Variants in ESCO1 observed in about 807,000 individuals in gnomAD.
ESCO1 encodes establishment of sister chromatid cohesion N-acetyltransferase 1.
In ESCO1, 33 loss-of-function variants were observed where a neutral mutation model predicts 83.5. The observed-to-expected ratio is 0.40, with a 90% CI of 0.30 to 0.53. ESCO1 has a LOEUF of 0.53. Ranked by LOEUF, ESCO1 falls within the 20% of genes least tolerant of loss-of-function variation. ESCO1 has a pLI of 0.63. For synonymous variants in ESCO1, 332 were observed against 324.3 expected (o/e 1.02, Z -0.25); for missense variants, 855 against 968.0 (o/e 0.88, Z 1.55).
chr18:21,583,097 G>A (rs2038525399), intron 2 of ESCO1, among the ~76,000 whole-genome samples: 1 of 152,100 alleles, frequency 6.6e-6, no homozygotes, highest in Non-Finnish European at 1.5e-5. Context: ...CAGGAGAACT[G>A]CTAGAACCCA....
chr18:21,569,370 G>C lies in ESCO1; in HGVS notation c.1531-1276C>G, dbSNP rs546892418. 2.0e-5 allele frequency among the ~76,000 whole-genome samples: 3 copies of C among 152,214 alleles called. No individual in the cohort carries two copies. In the South Asian group the frequency reaches 6.2e-4, roughly 32 times the overall value. On this transcript the variant is annotated intron_variant, in intron 4 of 11. Coordinates refer to ENST00000269214, the MANE Select transcript of ESCO1 (RefSeq NM_052911.3). ...CCCAGAACTTTTGGGAGGCTGAGGC[G>C]GGTGGATCATGAGGTCAAGGGATCA...
chr18:21,593,613 G>GAGAGGGAGAGGGAGAGGGAGAGGA lies in ESCO1; in HGVS notation c.-825+7009_-825+7010insTCCTCTCCCTCTCCCTCTCCCTCT, dbSNP rs1555673445. 6 of 151,154 alleles carry GAGAGGGAGAGGGAGAGGGAGAGGA rather than the reference G, an allele frequency of 4.0e-5. 1 individual carries two copies. Among genetic ancestry groups the GAGAGGGAGAGGGAGAGGGAGAGGA allele is most frequent in the African/African-American group, 1.5e-4 (6 of 41,146 alleles). 9.4% of individuals were successfully genotyped at this position (151,154 alleles called of 1,614,324 possible). A position where few individuals can be genotyped will look rare whatever the true frequency, so the allele number is the denominator to read the frequency against. On this transcript the variant is annotated intron_variant, in intron 1 of 11. Transcript: ENST00000269214. Reference sequence around the variant, plus strand: ...GGGAGACCGTAGGGAGAGGGAGAGGGAGAGGGAGAGGGAGAGGGCCACCAC... The same window carrying GAGAGGGAGAGGGAGAGGGAGAGGA: ...GGGAGACCGTAGGGAGAGGGAGAGGGAGAGGGAGAGGGAGAGGGAGAGGAAGAGGGAGAGGGAGAGGGCCACCAC...
chr18:21,560,244 T>C (rs1261872370), intron 8 of ESCO1, among the ~76,000 whole-genome samples: 1 of 151,792 alleles, frequency 6.6e-6, no homozygotes, highest in East Asian at 1.9e-4. Flanking sequence ...TTTCCACAAA[T>C]ATTAAATAAT....
chr18:21,578,136 A>G (rs2658451), intron 2 of ESCO1, among the ~76,000 whole-genome samples: 149,827 of 152,244 alleles, frequency 0.98, 73,767 homozygotes, highest in East Asian at 1. Flanking sequence ...TTTTAACCAT[A>G]AGCAGTTAAA....
intron 8 of ESCO1, among the ~76,000 whole-genome samples, chr18:21,557,100 T>C (rs1346829297): frequency 1.3e-5 from 2 of 152,132 alleles, no homozygotes; most frequent in African/African-American, 4.8e-5. Flanking sequence ...TACTACTGTC[T>C]ATATATGCCA....
chr18:21,544,292 G>T (rs1293330366), intron 8 of ESCO1, among the ~76,000 whole-genome samples: 1 of 151,204 alleles, frequency 6.6e-6, no homozygotes, highest in East Asian at 2.0e-4. Flanking sequence ...CAAAAAAGGA[G>T]TAATCTTCAT....
chr18:21,537,301 C>A (rs1188885585), intron 9 of ESCO1, among the ~76,000 whole-genome samples: 1 of 152,184 alleles, frequency 6.6e-6, no homozygotes, highest in South Asian at 2.1e-4. Context: ...TGCCTATAAT[C>A]CCAGCACTTT....
At chr18:21,570,748 T>C (rs1476519514) in intron 4 of ESCO1, among the ~76,000 whole-genome samples, 1 of 151,730 alleles carries the variant, frequency 6.6e-6, no homozygotes, top group Non-Finnish European at 1.5e-5. Context: ...GGAGGCCGAG[T>C]TGGGAGGATC....
chr18:21,560,958 A>G lies in ESCO1; in HGVS notation c.1854T>C (p.Ser618=), dbSNP rs748437864. 68 of 1,598,954 alleles carry G rather than the reference A, an allele frequency of 4.3e-5. No homozygotes were observed. Among genetic ancestry groups the G allele is most frequent in the Non-Finnish European group, 5.1e-5 (60 of 1,174,522 alleles). The change falls in exon 8 of 12, where the codon TCT becomes TCC. Residue 618 remains serine, a synonymous_variant. Transcript: ENST00000269214. ...TATACAGCATTCCACAAACATTACAAGAAACTGCTCCAAATCTTTTTTGTC... is the reference window on the plus strand; with the variant it reads ...TATACAGCATTCCACAAACATTACAGGAAACTGCTCCAAATCTTTTTTGTC... ...DAGQKRFGAV[S]CNVCGMLYTA...
At chr18:21,585,137 T>A (rs1221555805) in intron 1 of ESCO1, among the ~76,000 whole-genome samples, 8 of 26,674 alleles carry the variant, frequency 3.0e-4, no homozygotes, top group Admixed American at 5.6e-4. Context: ...CAGGACTCCA[T>A]CTCAAAAAAA....
chr18:21,539,537 ATC>A (rs2037877012), intron 9 of ESCO1, among the ~76,000 whole-genome samples: 1 of 152,166 alleles, frequency 6.6e-6, no homozygotes, highest in Non-Finnish European at 1.5e-5. Context: ...TATGCCAGCA[ATC>A]TGTTATCCTC....
chr18:21,570,120 TAG>T (rs1282463753), intron 4 of ESCO1, among the ~76,000 whole-genome samples: 2 of 152,162 alleles, frequency 1.3e-5, no homozygotes, highest in Non-Finnish European at 2.9e-5. Context: ...TCTTTTGAGA[TAG>T]AGTCTCACTC....
intron 1 of ESCO1, among the ~76,000 whole-genome samples, chr18:21,587,562 T>G (rs1191497776): frequency 6.6e-6 from 1 of 152,224 alleles, no homozygotes; most frequent in Non-Finnish European, 1.5e-5. Flanking sequence ...TTTAGTAATA[T>G]CTCTCATTCC....
At position 21,537,249 on chromosome 18, in the gene ESCO1, G is replaced by C. The variant is rs2037848758; in HGVS notation, c.2044-1064C>G. ...TACTCAACCATTAGTTCCTTCCCCAGTTAAAAGATACTGCCAACAAAAGCC... is the reference window on the plus strand; with the variant it reads ...TACTCAACCATTAGTTCCTTCCCCACTTAAAAGATACTGCCAACAAAAGCC... On this transcript the variant is annotated intron_variant, in intron 9 of 11. Transcript: ENST00000269214. Among the ~76,000 whole-genome samples, 15 of 152,200 alleles carry C rather than the reference G, an allele frequency of 9.9e-5. 1 individual carries two copies. The highest frequency in any genetic ancestry group is 9.8e-4 in the Admixed American group (15 of 15,272).
At chr18:21,559,952 C>G (rs2038161643) in intron 8 of ESCO1, among the ~76,000 whole-genome samples, 1 of 151,500 alleles carries the variant, frequency 6.6e-6, no homozygotes, top group Non-Finnish European at 1.5e-5. Flanking sequence ...ACCCTTCAAC[C>G]GAAGGTAAGT....
chr18:21,543,994 C>T (rs1002097604), intron 8 of ESCO1, among the ~76,000 whole-genome samples: 1 of 152,138 alleles, frequency 6.6e-6, no homozygotes, highest in Non-Finnish European at 1.5e-5. Context: ...TAATCTTTGG[C>T]CAAGCGCAGT....
At chr18:21,588,523 T>C (rs2038615041) in intron 1 of ESCO1, among the ~76,000 whole-genome samples, 1 of 151,820 alleles carries the variant, frequency 6.6e-6, no homozygotes, top group Non-Finnish European at 1.5e-5. Context: ...ACTACAGACC[T>C]AAAATGTGAA....
At position 21,568,052 on chromosome 18, in the gene ESCO1, C is replaced by G. The variant is rs761868777; in HGVS notation, c.1573G>C (p.Val525Leu). 2.5e-6 allele frequency: 4 copies of G among 1,613,828 alleles called. No individual in the cohort carries two copies. The African/African-American group carries it at 5.3e-5, about 22-fold the overall frequency. The change falls in exon 5 of 12, where the codon GTG becomes CTG. Residue 525 changes from valine (V) to leucine (L), a missense_variant. Transcript: ENST00000269214. Reference sequence around the variant, plus strand: ...GTCGAAGCAGCAGTAACATTTTCCACTGGACTGTTTTCTAGCTTGGATTCC... The same window carrying G: ...GTCGAAGCAGCAGTAACATTTTCCAGTGGACTGTTTTCTAGCTTGGATTCC... ...CLESKLENSP[V>L]ENVTAASTLL... is the part of the protein sequence containing the mutation.
intron 9 of ESCO1, 41 bp from the exon 10 acceptor site, chr18:21,536,226 T>G: frequency 6.3e-7 from 1 of 1,576,238 alleles, no homozygotes; most frequent in Non-Finnish European, 8.6e-7. Context: ...AATGAAAATA[T>G]TATATACATG....
Sources: allele counts gnomAD v4.1 joint callset (sites outside exome capture counted in the v4.1 genomes callset), GRCh38; gene constraint gnomAD v4.1.1; transcripts MANE v1.5; gene names NCBI Gene and HGNC (gene_info 2026-07-23, HGNC 2026-07-21).